MFAP5: variants seen among roughly 807,000 people sequenced by gnomAD.
The protein encoded by MFAP5 is microfibril associated protein 5.
In MFAP5, 19 loss-of-function variants were observed where a neutral mutation model predicts 30.1. That is an observed-to-expected ratio of 0.63 (90% CI 0.44 to 0.93). The LOEUF (loss-of-function observed/expected upper bound fraction) is 0.93. MFAP5 is among the 40% of genes least tolerant of loss of function. The probability of loss-of-function intolerance (pLI) is 0.00; values close to 1 mark genes in which losing one functional copy is unlikely to be tolerated. For missense variants in MFAP5, 210 were observed against 221.3 expected (o/e 0.95, Z 0.32); for synonymous variants, 92 against 72.9 (o/e 1.26, Z -1.33).
chr12:8,651,896 T>C lies in MFAP5; in HGVS notation c.218-205A>G, dbSNP rs954630507. On this transcript the variant is annotated intron_variant, in intron 6 of 9. Coordinates refer to ENST00000359478, the MANE Select transcript of MFAP5 (RefSeq NM_003480.4). ...GAAGACATTAGGAGGCAGGATGGGA[T>C]TTTTTTCCTTTCTCCTTTCCTTTCT... is the stretch of plus-strand genomic sequence containing the variant. 3 of 546,172 alleles carry C rather than the reference T, an allele frequency of 5.5e-6. No individual in the cohort carries two copies. In the African/African-American group the frequency reaches 5.7e-5, roughly 10 times the overall value. The allele number at this position is 546,172 out of a possible 1,614,324, so 33.8% of individuals were successfully genotyped here. A position where few individuals can be genotyped will look rare whatever the true frequency, so the allele number is the denominator to read the frequency against.
At chr12:8,656,503 G>A (rs1373964083) in intron 3 of MFAP5, among the ~76,000 whole-genome samples, 2 of 148,668 alleles carry the variant, frequency 1.3e-5, no homozygotes, top group Non-Finnish European at 3.0e-5. Flanking sequence ...CGCCTCTTGG[G>A]TTCAAGCAAT....
At chr12:8,651,572 G>T in intron 7 of MFAP5, 90 bp downstream of exon 7, 1 of 1,260,012 alleles carries the variant, frequency 7.9e-7, no homozygotes, top group Non-Finnish European at 1.2e-6. Context: ...TAAACTAGAA[G>T]ATGTGCCAAG....
rs1941848560 is a variant in MFAP5, at chr12:8,651,903, C to T, written c.218-212G>A. 9 of 540,894 alleles carry T rather than the reference C, an allele frequency of 1.7e-5. No individual in the cohort carries two copies. In the South Asian group the frequency reaches 2.0e-4, roughly 12 times the overall value. The allele number at this position is 540,894 out of a possible 1,614,324, so 33.5% of individuals were successfully genotyped here. The stretch of plus-strand genomic sequence containing the variant: ...TTAGGAGGCAGGATGGGATTTTTTT[C>T]CTTTCTCCTTTCCTTTCTAAAGAGT... On this transcript the variant is annotated intron_variant, in intron 6 of 9. Coordinates refer to ENST00000359478, the MANE Select transcript of MFAP5 (RefSeq NM_003480.4).
At chr12:8,656,197 A>G (rs1447167446) in intron 3 of MFAP5, among the ~76,000 whole-genome samples, 2 of 150,494 alleles carry the variant, frequency 1.3e-5, no homozygotes, top group African/African-American at 4.9e-5. Context: ...AGTAGCTGGG[A>G]CTACAGGCGC....
rs1941726922 is a variant in MFAP5, at chr12:8,647,944, AAGT to A, written c.*144_*146del. The A allele has an allele frequency of 3.7e-6, 2 of 543,456 alleles. No homozygotes were observed. The highest frequency in any genetic ancestry group is 1.9e-5 in the African/African-American group (1 of 52,246). The allele number at this position is 543,456 out of a possible 1,614,324, so 33.7% of individuals were successfully genotyped here. A position where few individuals can be genotyped will look rare whatever the true frequency, so the allele number is the denominator to read the frequency against. On this transcript the variant is annotated 3_prime_UTR_variant, in exon 10 of 10. Transcript: ENST00000359478. ...ATAAATGTTATCAGTTTGGGTGAAA[AAGT>A]AGAGAGTAGGGGTAAAAGCTGGACA...
At chr12:8,648,490 G>C in intron 9 of MFAP5, 1 of 1,287,230 alleles carries the variant, frequency 7.8e-7, no homozygotes, top group South Asian at 1.3e-5. Flanking sequence ...AAAGTACCTA[G>C]CACAGGTGAG....
chr12:8,660,869 G>T lies in MFAP5; in HGVS notation c.88C>A (p.Arg30=), dbSNP rs962247688. The part of the protein sequence containing the change: ...DWIPLGVNSQ[R]GDDVTQATPE... The stretch of plus-strand genomic sequence containing the variant: ...TATCCAAGGGTTCACCTACCTCCTC[G>T]TTGACTATTGACCCCCAGGGGTATC... Residue 30 remains arginine, a synonymous_variant, in exon 3 of 10, where the codon CGA becomes AGA. Transcript: ENST00000359478. 4 of 1,611,522 alleles carry T rather than the reference G, an allele frequency of 2.5e-6. No homozygotes were observed. The highest frequency in any genetic ancestry group is 3.4e-6 in the Non-Finnish European group (4 of 1,178,630).
At chr12:8,650,677 G>A in intron 7 of MFAP5, 88 bp from the exon 8 acceptor site, 7 of 1,137,162 alleles carry the variant, frequency 6.2e-6, no homozygotes, top group African/African-American at 3.1e-5. Context: ...GATAGATAGA[G>A]TAGGAAAAAA....
chr12:8,656,664 A>ATTTTT (rs1270184257), intron 3 of MFAP5, among the ~76,000 whole-genome samples: 3 of 126,826 alleles, frequency 2.4e-5, no homozygotes, highest in South Asian at 2.4e-4. Context: ...ATATATATAT[A>ATTTTT]TATATTTTTT....
chr12:8,660,956 CT>C, intron 2 of MFAP5, 58 bp from the exon 3 acceptor site: 1 of 1,406,736 alleles, frequency 7.1e-7, no homozygotes, highest in Non-Finnish European at 1.0e-6. Flanking sequence ...CCTCGTAACC[CT>C]TTTATGAGAC....
At chr12:8,651,320 G>T (rs914927149) in intron 7 of MFAP5, among the ~76,000 whole-genome samples, 5 of 152,092 alleles carry the variant, frequency 3.3e-5, no homozygotes, top group African/African-American at 1.2e-4. Flanking sequence ...AGTACATTAG[G>T]AAATGCAATT....
chr12:8,658,073 G>C (rs192574482), intron 3 of MFAP5, among the ~76,000 whole-genome samples: 22 of 152,228 alleles, frequency 1.4e-4, no homozygotes, highest in African/African-American at 3.6e-4. Flanking sequence ...GTTTGGCTGG[G>C]CTTCATGGTT....
At position 8,648,115 on chromosome 12, in the gene MFAP5, AT is replaced by A; in HGVS notation, c.497del (p.Asp166ValfsTer11). On this transcript the variant is annotated frameshift_variant, in exon 10 of 10. Coordinates refer to ENST00000359478, the MANE Select transcript of MFAP5 (RefSeq NM_003480.4). LOFTEE classifies it high-confidence loss of function. ...YFRLPPCENVDLQRPNGL is the reference protein window; with the variant it reads ...YFRLPPCENVXLQRPNGL Reference sequence around the variant, plus strand: ...ATCACAGACCATTGGGTCTCTGCAAATCCACATTTTCACAGGGAGGAAGTCG... The same window carrying A: ...ATCACAGACCATTGGGTCTCTGCAAACCACATTTTCACAGGGAGGAAGTCG... 2 of 1,613,788 alleles carry A rather than the reference AT, an allele frequency of 1.2e-6. No individual in the cohort carries two copies. The highest frequency in any genetic ancestry group is 1.7e-6 in the Non-Finnish European group (2 of 1,179,780).
At position 8,653,031 on chromosome 12, in the gene MFAP5, A is replaced by C. The variant is rs777257721; in HGVS notation, c.218-1340T>G. On this transcript the variant is annotated intron_variant, in intron 6 of 9. Coordinates refer to ENST00000359478, the MANE Select transcript of MFAP5 (RefSeq NM_003480.4). ...GTGTTGAAACCCCGTCTCCACTAAA[A>C]ATACAAAAAAATTAGCCAGGCTTGG... Among the ~76,000 whole-genome samples, 15 of 152,122 alleles carry C rather than the reference A, an allele frequency of 9.9e-5. No homozygotes were observed. The South Asian group carries it at 2.9e-3, about 29-fold the overall frequency.
At position 8,648,167 on chromosome 12, in the gene MFAP5, C is replaced by A. The variant is rs746621366; in HGVS notation, c.446G>T (p.Arg149Met). The A allele has an allele frequency of 6.2e-7, 1 of 1,613,748 alleles. No individual in the cohort carries two copies. Among genetic ancestry groups the A allele is most frequent in the African/African-American group, 1.3e-5 (1 of 74,990 alleles). The part of the protein sequence containing the change: ...LCRQMAGLPP[R>M]RLRRSNYFRL... The stretch of plus-strand genomic sequence containing the variant: ...GAAGTAATTGGAGCGACGGAGTCTC[C>A]TAGGGGGCAGACCAGCCATCTGACG... Residue 149 changes from arginine to methionine, a missense_variant, in exon 10 of 10, where the codon AGG (arginine) becomes ATG (methionine). Physicochemically the swap from Arg to Met is moderately conservative, Grantham distance 91 (BLOSUM62 -1). Transcript: ENST00000359478.
chr12:8,659,497 CA>C (rs2136480637), intron 3 of MFAP5, among the ~76,000 whole-genome samples: 1 of 152,178 alleles, frequency 6.6e-6, no homozygotes, highest in South Asian at 2.1e-4. Context: ...AGTCTTAACA[CA>C]GGACTGGTTC....
At chr12:8,652,049 G>C (rs1941852777) in intron 6 of MFAP5, among the ~76,000 whole-genome samples, 1 of 152,146 alleles carries the variant, frequency 6.6e-6, no homozygotes, top group South Asian at 2.1e-4. Flanking sequence ...GCAGAGAAAA[G>C]ATTATTATCC....
chr12:8,658,324 T>C (rs750638615), intron 3 of MFAP5, among the ~76,000 whole-genome samples: 1 of 152,216 alleles, frequency 6.6e-6, no homozygotes, highest in Admixed American at 6.5e-5. Context: ...CACTCCAGCC[T>C]GGGACAGAGT....
At chr12:8,651,806 G>A (rs1481666057) in intron 6 of MFAP5, 115 bp from the exon 7 acceptor site, 1 of 906,048 alleles carries the variant, frequency 1.1e-6, no homozygotes, top group African/African-American at 1.7e-5. Flanking sequence ...GGGAGCAAAT[G>A]AATTAATAAC....
Sources: allele counts gnomAD v4.1 joint callset (sites outside exome capture counted in the v4.1 genomes callset), GRCh38; gene constraint gnomAD v4.1.1; transcripts MANE v1.5; gene names NCBI Gene and HGNC (gene_info 2026-07-23, HGNC 2026-07-21).